The following EVC2 variants were observed in gnomAD, a reference collection of about 807,000 sequenced individuals.
EVC2 encodes EvC ciliary complex subunit 2.
EVC2 carries 148 observed loss-of-function variants against 149.3 expected under a neutral mutation model. The ratio of observed to expected loss-of-function variants is 0.99; its 90% confidence interval spans 0.87 to 1.14. The LOEUF (loss-of-function observed/expected upper bound fraction) is 1.14, where lower values mean the gene tolerates loss of function less well. Ranked by LOEUF, EVC2 falls within the 50% of genes most tolerant of loss-of-function variation. EVC2 has a pLI of 0.00. For synonymous variants in EVC2, 776 were observed against 649.9 expected, an observed-to-expected ratio of 1.19 and a Z score of -2.95; for missense variants, 1,854 against 1,627.3, an observed-to-expected ratio of 1.14 and a Z score of -2.40.
Position 5,613,724 on chromosome 4 carries a change from G to A in EVC2, c.2829+1698C>T, listed in dbSNP as rs1022065771. Among the ~76,000 whole-genome samples the A allele has an allele frequency of 6.6e-6, 1 of 151,932 alleles. No individual in the cohort carries two copies. Among genetic ancestry groups the A allele is most frequent in the African/African-American group, 2.4e-5 (1 of 41,246 alleles). ...GAAGCCCAGTGGCTCTCACATTGAT[G>A]TATATCTCTTGAATTAGCCTTTAAC... On this transcript the variant is annotated intron_variant, in intron 16 of 21. Coordinates refer to ENST00000344408, the MANE Select transcript of EVC2 (RefSeq NM_147127.5). This position sits in a 1 kb window ranked among gnomAD's most constrained non-coding sequence, Gnocchi z 4.6.
At chr4:5,692,286 C>T (rs1721169907) in intron 3 of EVC2, among the ~76,000 whole-genome samples, 1 of 152,160 alleles carries the variant, frequency 6.6e-6, no homozygotes, top group African/African-American at 2.4e-5. Flanking sequence ...CCTTGGCCTC[C>T]CAAGGTGCTG....
At chr4:5,573,694 T>C (rs1409474172) in intron 19 of EVC2, among the ~76,000 whole-genome samples, 1 of 152,180 alleles carries the variant, frequency 6.6e-6, no homozygotes, top group Non-Finnish European at 1.5e-5. Flanking sequence ...TTGTGGTCAT[T>C]TGTGACAGCA....
chr4:5,637,084 C>T lies in EVC2; in HGVS notation c.1470+3430G>A, dbSNP rs1716933839. Reference sequence around the variant, plus strand: ...TGGGAGAGACAGGCTGCAGAAAAGCCCTGGAGAGAGCAGGGTCAGGAAGCC... The same window carrying T: ...TGGGAGAGACAGGCTGCAGAAAAGCTCTGGAGAGAGCAGGGTCAGGAAGCC... On this transcript the variant is annotated intron_variant, in intron 10 of 21. Transcript: ENST00000344408. The surrounding 1 kb of genome is among the most constrained non-coding windows in gnomAD (Gnocchi z 4.4). Among the ~76,000 whole-genome samples, 1 of 152,076 alleles carries T rather than the reference C, an allele frequency of 6.6e-6. No individual in the cohort carries two copies.
chr4:5,534,073 A>G, the EVC2 span, among the ~76,000 whole-genome samples: 25 of 152,210 alleles, frequency 1.6e-4, no homozygotes, highest in East Asian at 3.5e-3. Flanking sequence ...GAGGCACTAG[A>G]AGATTTTAAG....
chr4:5,563,661 C>T (rs1176410781), intron 21 of EVC2, among the ~76,000 whole-genome samples: 1 of 152,012 alleles, frequency 6.6e-6, no homozygotes, highest in East Asian at 1.9e-4. Flanking sequence ...GTTTTGCGAG[C>T]CCACTGTCAT....
At chr4:5,543,263 C>T in intron 21 of EVC2, 1 of 1,212,392 alleles carries the variant, frequency 8.2e-7, no homozygotes, top group Non-Finnish European at 1.1e-6. Context: ...CATCCCTACC[C>T]ACATTGTACC....
At chr4:5,692,283 C>T (rs539599472) in intron 3 of EVC2, among the ~76,000 whole-genome samples, 2 of 152,304 alleles carry the variant, frequency 1.3e-5, no homozygotes, top group Non-Finnish European at 2.9e-5. Context: ...CTGCCTTGGC[C>T]TCCCAAGGTG....
chr4:5,571,031 T>C (rs1175568097), intron 19 of EVC2, among the ~76,000 whole-genome samples: 4 of 152,012 alleles, frequency 2.6e-5, no homozygotes, highest in East Asian at 1.9e-4. Context: ...AGACTACACA[T>C]TGGGCCGGGC....
chr4:5,576,755 T>C lies in EVC2; in HGVS notation c.3058-301A>G, dbSNP rs1039864227. On this transcript the variant is annotated intron_variant, in intron 17 of 21. Coordinates refer to ENST00000344408, the MANE Select transcript of EVC2 (RefSeq NM_147127.5). The surrounding 1 kb of genome is among the most constrained non-coding windows in gnomAD (Gnocchi z 4.5). ...AAGAAACTCCTTGGTGAAGGGCTCC[T>C]CAGCGAAAGGATCCCTGAGTTCCTT... Among the ~76,000 whole-genome samples the C allele has an allele frequency of 5.3e-5, 8 of 152,210 alleles. No homozygotes were observed. The highest frequency in any genetic ancestry group is 1.9e-4 in the African/African-American group (8 of 41,464).
chr4:5,548,524 C>T (rs756676301), intron 21 of EVC2, among the ~76,000 whole-genome samples: 7 of 151,788 alleles, frequency 4.6e-5, no homozygotes, highest in Admixed American at 6.6e-5. Flanking sequence ...TAAATCACTA[C>T]TATTTACATG....
At chr4:5,630,182 C>T (rs1390986125) in intron 11 of EVC2, among the ~76,000 whole-genome samples, 1 of 152,312 alleles carries the variant, frequency 6.6e-6, no homozygotes. Flanking sequence ...CGTTCTCTGT[C>T]CTGGGTGCCT....
chr4:5,545,049 C>G (rs529217512), intron 21 of EVC2, among the ~76,000 whole-genome samples: 1 of 152,214 alleles, frequency 6.6e-6, no homozygotes, highest in Non-Finnish European at 1.5e-5. Context: ...TCAGGTGCAA[C>G]GTTCTATTCT....
intron 1 of EVC2, among the ~76,000 whole-genome samples, chr4:5,702,532 T>G (rs565695494): frequency 2.3e-4 from 35 of 152,316 alleles, no homozygotes; most frequent in African/African-American, 8.2e-4. Flanking sequence ...AGTAGAATGG[T>G]CTGCATTGAT....
At chr4:5,707,475 G>T (rs1453880747) in intron 1 of EVC2, among the ~76,000 whole-genome samples, 1 of 152,050 alleles carries the variant, frequency 6.6e-6, no homozygotes, top group Non-Finnish European at 1.5e-5. Context: ...TGCTGTCAGG[G>T]GCAATAAGGT....
At chr4:5,693,986 G>C (rs902539085) in intron 3 of EVC2, among the ~76,000 whole-genome samples, 1 of 152,212 alleles carries the variant, frequency 6.6e-6, no homozygotes. Context: ...CCGACCCATA[G>C]TAAATGCTTG....
At chr4:5,626,524 CG>C (rs1716130267) in intron 12 of EVC2, among the ~76,000 whole-genome samples, 1 of 151,898 alleles carries the variant, frequency 6.6e-6, no homozygotes, top group Non-Finnish European at 1.5e-5. Context: ...TTAGTAGAGA[CG>C]GGGTTTCACC....
chr4:5,615,561 G>A lies in EVC2; in HGVS notation c.2707-17C>T. 1.9e-6 allele frequency: 3 copies of A among 1,614,144 alleles called. No homozygotes were observed. The highest frequency in any genetic ancestry group is 2.5e-6 in the Non-Finnish European group (3 of 1,180,002). On this transcript the variant is annotated splice_polypyrimidine_tract_variant and intron_variant, in intron 15 of 21. Coordinates refer to ENST00000344408, the MANE Select transcript of EVC2 (RefSeq NM_147127.5). ...GGACTGTTGCTGGAGAGGGGTTGGG[G>A]AAGACGTGGGTAAGAAGGCAATCAC...
rs145596890 is a variant in EVC2 at position 5,646,460 on chromosome 4, T to C, written c.1146-5622A>G. 4.4e-3 allele frequency among the ~76,000 whole-genome samples: 667 copies of C among 152,280 alleles called. 6 individuals are homozygous for C. Among genetic ancestry groups the C allele is most frequent in the African/African-American group, 0.015 (644 of 41,560 alleles). On this transcript the variant is annotated intron_variant, in intron 9 of 21. Coordinates refer to ENST00000344408, the MANE Select transcript of EVC2 (RefSeq NM_147127.5). Reference sequence around the variant, plus strand: ...ATGAACTAAACAATCAACTGTTACCTAGATCCATGATTTCATTAGGGGTTT... The same window carrying C: ...ATGAACTAAACAATCAACTGTTACCCAGATCCATGATTTCATTAGGGGTTT...
chr4:5,654,192 T>C (rs1718347481), intron 9 of EVC2, among the ~76,000 whole-genome samples: 1 of 151,738 alleles, frequency 6.6e-6, no homozygotes, highest in South Asian at 2.1e-4. Flanking sequence ...CCAGGCTGAG[T>C]GACAGAGTGA....
Sources: allele counts gnomAD v4.1 joint callset (sites outside exome capture counted in the v4.1 genomes callset), GRCh38; gene constraint gnomAD v4.1.1; non-coding constraint Gnocchi (gnomAD v3.1); transcripts MANE v1.5; gene names NCBI Gene and HGNC (gene_info 2026-07-23, HGNC 2026-07-21).